MARCHF1: variants seen among roughly 807,000 people sequenced by gnomAD.
MARCHF1 encodes membrane associated ring-CH-type finger 1, also known as E3 ubiquitin-protein ligase MARCHF1.
MARCHF1 carries 40 observed loss-of-function variants against 54.2 expected under a neutral mutation model. The ratio of observed to expected loss-of-function variants is 0.74; its 90% CI spans 0.57 to 0.96. The LOEUF is 0.96. Ranked by LOEUF, MARCHF1 falls within the 40% of genes least tolerant of loss-of-function variation. The pLI is 0.00. For missense variants in MARCHF1, 586 were observed against 656.5 expected (o/e 0.89, Z 1.17); for synonymous variants, 236 against 236.3 (o/e 1.00, Z 0.01).
rs114358902 is a variant in MARCHF1 at position 164,228,546 on chromosome 4, G to A, written c.-322-116884C>T. 4.4e-3 allele frequency among the ~76,000 whole-genome samples: 664 copies of A among 152,254 alleles called. 5 individuals are homozygous for A. Among genetic ancestry groups the A allele is most frequent in the African/African-American group, 0.015 (632 of 41,548 alleles). ...TAATGATGGTCAAACGTATAATGTT[G>A]AGAAAAACATGTTTTTCTTAATTAA... On this transcript the variant is annotated intron_variant, in intron 1 of 9. Coordinates refer to ENST00000514618, the MANE Select transcript of MARCHF1 (RefSeq NM_001394959.1).
rs538741746 is a variant in MARCHF1, at chr4:164,008,254, A to T, written c.-247-19545T>A. ...AGGAGAATAAGTTCATTACATAATC[A>T]TAAAAGGGTTAGTTCAACAACAGAA... is the stretch of plus-strand genomic sequence containing the variant. On this transcript the variant is annotated intron_variant, in intron 2 of 9. Transcript: ENST00000514618. 9.2e-5 allele frequency among the ~76,000 whole-genome samples: 14 copies of T among 152,298 alleles called. No individual in the cohort carries two copies. The South Asian group carries it at 2.9e-3, about 32-fold the overall frequency.
At chr4:163,532,849 A>T (rs988557643) in intron 9 of MARCHF1, among the ~76,000 whole-genome samples, 3 of 152,002 alleles carry the variant, frequency 2.0e-5, no homozygotes, top group African/African-American at 7.2e-5. Context: ...TTAAAAAAGA[A>T]CACTGAAAAC....
intron 1 of MARCHF1, among the ~76,000 whole-genome samples, chr4:164,170,993 A>T (rs1367278376): frequency 6.6e-6 from 1 of 152,158 alleles, no homozygotes; most frequent in African/African-American, 2.4e-5. Flanking sequence ...AAATGGAATA[A>T]TTAGTTATTG....
intron 5 of MARCHF1, among the ~76,000 whole-genome samples, chr4:163,679,322 G>C (rs1229154159): frequency 6.6e-6 from 1 of 152,100 alleles, no homozygotes; most frequent in African/African-American, 2.4e-5. Context: ...AGTATGTTCT[G>C]CGTCCATTTT....
At chr4:164,262,129 TAGAG>T (rs1733484342) in intron 1 of MARCHF1, among the ~76,000 whole-genome samples, 3 of 140,092 alleles carry the variant, frequency 2.1e-5, no homozygotes, top group African/African-American at 5.6e-5. Context: ...AAAAAAAGAA[TAGAG>T]AGAATGCTGA....
chr4:164,000,601 T>C (rs1753167766), intron 2 of MARCHF1, among the ~76,000 whole-genome samples: 1 of 151,710 alleles, frequency 6.6e-6, no homozygotes, highest in East Asian at 1.9e-4. Flanking sequence ...ATACAATTAC[T>C]AAGTTAGATA....
chr4:163,975,226 AC>A (rs1752629222), intron 3 of MARCHF1, among the ~76,000 whole-genome samples: 1 of 151,536 alleles, frequency 6.6e-6, no homozygotes, highest in Non-Finnish European at 1.5e-5. Flanking sequence ...ACACACACAC[AC>A]ACTTCCTATT....
At chr4:164,204,228 G>A (rs545552466) in intron 1 of MARCHF1, among the ~76,000 whole-genome samples, 8 of 152,222 alleles carry the variant, frequency 5.3e-5, no homozygotes, top group South Asian at 2.1e-4. Flanking sequence ...TTTCATCAAA[G>A]TAAAAAACAA....
At chr4:163,643,484 G>A (rs1742638790) in intron 5 of MARCHF1, among the ~76,000 whole-genome samples, 1 of 152,202 alleles carries the variant, frequency 6.6e-6, no homozygotes, top group East Asian at 1.9e-4. Flanking sequence ...CCAAGCAGCT[G>A]AGGTTATAGA....
chr4:163,710,801 G>C (rs916592623), intron 4 of MARCHF1, among the ~76,000 whole-genome samples: 1 of 152,076 alleles, frequency 6.6e-6, no homozygotes, highest in Non-Finnish European at 1.5e-5. Flanking sequence ...TGGAAAATAA[G>C]GGCATTCAAT....
chr4:163,934,939 T>G (rs1056458527), intron 3 of MARCHF1, among the ~76,000 whole-genome samples: 10 of 152,180 alleles, frequency 6.6e-5, no homozygotes, highest in Non-Finnish European at 1.3e-4. Context: ...CAATTTATTT[T>G]GCCCAGATTC....
At chr4:163,645,053 G>A (rs1375434979) in intron 5 of MARCHF1, among the ~76,000 whole-genome samples, 1 of 152,162 alleles carries the variant, frequency 6.6e-6, no homozygotes, top group Non-Finnish European at 1.5e-5. Flanking sequence ...GACCCACCCA[G>A]TGACATAGCA....
At chr4:163,711,123 C>A (rs1394127021) in intron 4 of MARCHF1, among the ~76,000 whole-genome samples, 1 of 151,502 alleles carries the variant, frequency 6.6e-6, no homozygotes, top group African/African-American at 2.4e-5. Flanking sequence ...GTAAATTACA[C>A]GTCATTTACA....
intron 2 of MARCHF1, among the ~76,000 whole-genome samples, chr4:164,100,914 G>A (rs1031167814): frequency 1.9e-4 from 29 of 152,276 alleles, no homozygotes; most frequent in African/African-American, 6.7e-4. Context: ...CGCACAGTGC[G>A]CGAGCCGAAG....
chr4:163,579,747 G>A (rs781723901), intron 8 of MARCHF1, among the ~76,000 whole-genome samples: 17 of 152,106 alleles, frequency 1.1e-4, no homozygotes, highest in Non-Finnish European at 2.2e-4. Flanking sequence ...CTGTGTTTGA[G>A]CTATACTACG....
intron 2 of MARCHF1, among the ~76,000 whole-genome samples, chr4:164,054,669 A>G (rs1348147784): frequency 2.0e-5 from 3 of 150,990 alleles, no homozygotes; most frequent in Non-Finnish European, 4.4e-5. Context: ...TCAGTAAACT[A>G]TCGCAAGAAC....
At chr4:163,608,475 C>T (rs1343689431) in intron 7 of MARCHF1, among the ~76,000 whole-genome samples, 1 of 151,988 alleles carries the variant, frequency 6.6e-6, no homozygotes, top group African/African-American at 2.4e-5. Context: ...TTGCACCTTC[C>T]AGTGAGGGCG....
intron 7 of MARCHF1, 82 bp downstream of exon 7, chr4:163,612,189 G>T: frequency 2.6e-6 from 3 of 1,170,108 alleles, no homozygotes; most frequent in East Asian, 2.7e-5. Context: ...AAGTTTTGAG[G>T]GTAGGTGTCA....
intron 1 of MARCHF1, among the ~76,000 whole-genome samples, chr4:164,142,422 G>C (rs529090528): frequency 3.1e-4 from 47 of 152,282 alleles, no homozygotes; most frequent in African/African-American, 1.1e-3. Flanking sequence ...AAATGTCCCT[G>C]TCTGACAGCT....
Sources: allele counts gnomAD v4.1 joint callset (sites outside exome capture counted in the v4.1 genomes callset), GRCh38; gene constraint gnomAD v4.1.1; transcripts MANE v1.5; gene names NCBI Gene and HGNC (gene_info 2026-07-23, HGNC 2026-07-21).